Variants in ZSCAN18 observed in about 807,000 individuals in gnomAD.
ZSCAN18 encodes the protein zinc finger and SCAN domain-containing protein 18.
A neutral mutation model predicts 31.1 loss-of-function variants in ZSCAN18; 16 were observed. That is an observed-to-expected ratio of 0.51 (90% CI 0.35 to 0.78). The LOEUF (loss-of-function observed/expected upper bound fraction) is 0.78, where lower values mean the gene tolerates loss of function less well. Ranked by LOEUF, ZSCAN18 falls within the 30% of genes least tolerant of loss-of-function variation. The pLI is 0.01. For missense variants in ZSCAN18, 731 were observed against 697.4 expected (o/e 1.05, Z -0.54); for synonymous variants, 375 against 320.7 (o/e 1.17, Z -1.81).
intron 5 of ZSCAN18, 163 bp downstream of exon 5, chr19:58,086,743 T>G: frequency 1.7e-6 from 1 of 589,120 alleles, no homozygotes; most frequent in Admixed American, 3.1e-5. Context: ...TCAGAAAGGG[T>G]GGGGGCTTCA....
At chr19:58,111,489 G>T (rs2074682956) in intron 1 of ZSCAN18, among the ~76,000 whole-genome samples, 1 of 151,954 alleles carries the variant, frequency 6.6e-6, no homozygotes, top group African/African-American at 2.4e-5. Context: ...AGGACTACAG[G>T]TATGCACCAC....
Position 58,085,161 on chromosome 19 carries a change from A to G in ZSCAN18, c.1057T>C (p.Ser353Pro). Residue 353 changes from serine to proline, a missense_variant, in exon 7 of 7, where the codon TCC becomes CCC. Around this residue, in one of 4 missense-constraint regions of ZSCAN18, gnomAD observed 597 missense variants for 499.5 expected, o/e 1.20. Coordinates refer to ENST00000601144, the MANE Select transcript of ZSCAN18 (RefSeq NM_001145543.2). ...SDSATGSQRQ[S>P]VIQQPAPDRG... ...TCCGGGGCAGGCTGCTGGATGACGG[A>G]CTGCCTCTGCGATCCGGTGGCAGAG... The G allele has an allele frequency of 6.2e-7, 1 of 1,610,812 alleles. No individual in the cohort carries two copies. Among genetic ancestry groups the G allele is most frequent in the Non-Finnish European group, 8.5e-7 (1 of 1,179,302 alleles).
At chr19:58,091,708 A>C (rs991916728) in intron 1 of ZSCAN18, among the ~76,000 whole-genome samples, 3 of 152,176 alleles carry the variant, frequency 2.0e-5, no homozygotes, top group African/African-American at 7.2e-5. Context: ...TGAGCTCACT[A>C]AACAGAACCC....
chr19:58,103,181 T>C (rs1415099765), upstream of ZSCAN18, among the ~76,000 whole-genome samples: 1 of 112,578 alleles, frequency 8.9e-6, no homozygotes, highest in East Asian at 1.9e-4. Flanking sequence ...ATTAACCTGG[T>C]TTGTTTTCAG....
rs769127626 is a variant in ZSCAN18 at position 58,088,698 on chromosome 19, A to G, written c.543T>C (p.Pro181=). The change falls in exon 3 of 7, where the codon CCT becomes CCC. Residue 181 remains proline (P), a synonymous_variant. Transcript: ENST00000601144. The stretch of plus-strand genomic sequence containing the variant: ...TAGCTGGGCACTCACGTGTCTCAGA[A>G]GGTGCCGGGATCTCCCCAGCTCCAA... The part of the protein sequence containing the change: ...QALGAGEIPA[P]SETPWLSPDP... 1.9e-6 allele frequency: 3 copies of G among 1,609,658 alleles called. No individual in the cohort carries two copies. Among genetic ancestry groups the G allele is most frequent in the Non-Finnish European group, 2.5e-6 (3 of 1,179,928 alleles).
Position 58,090,982 on chromosome 19 carries a change from G to C in ZSCAN18, c.-119-596C>G, listed in dbSNP as rs2074399074. Among the ~76,000 whole-genome samples, 1 of 151,774 alleles carries C rather than the reference G, an allele frequency of 6.6e-6. No homozygotes were observed. Among genetic ancestry groups the C allele is most frequent in the Admixed American group, 6.6e-5 (1 of 15,232 alleles). ...ATGTAAACCTGGATGTAAAAACCTT[G>C]AAATAGGCCAGGCGCGGTGGCTCAC... On this transcript the variant is annotated intron_variant, in intron 1 of 6. Transcript: ENST00000601144. This position sits in a 1 kb window ranked among gnomAD's most constrained non-coding sequence, Gnocchi z 4.7.
intron 6 of ZSCAN18, 103 bp from the exon 7 acceptor site, chr19:58,085,482 C>T (rs1042384380): frequency 9.5e-7 from 1 of 1,052,704 alleles, no homozygotes; most frequent in Non-Finnish European, 1.3e-6. Flanking sequence ...GGGCTCCGGG[C>T]TCTGGATCCC....
chr19:58,100,543 A>C (rs1281090676), upstream of ZSCAN18, among the ~76,000 whole-genome samples: 1 of 152,172 alleles, frequency 6.6e-6, no homozygotes, highest in Non-Finnish European at 1.5e-5. Context: ...GCTCCTTATG[A>C]ATTGCAAACC....
At chr19:58,098,305 C>T (rs1041931360), upstream of ZSCAN18, 29 of 985,352 alleles carry the variant, frequency 2.9e-5, no homozygotes, top group African/African-American at 3.5e-5. Flanking sequence ...GGCTGTGCCG[C>T]GCACCGGGGC....
chr19:58,102,885 A>C (rs12975900), upstream of ZSCAN18, among the ~76,000 whole-genome samples: 769 of 152,044 alleles, frequency 5.1e-3, 7 homozygotes, highest in African/African-American at 0.016. Context: ...TAATCTCAGC[A>C]CTTTGGGAGG....
chr19:58,112,914 G>T (rs1167005933), intron 1 of ZSCAN18, among the ~76,000 whole-genome samples: 3 of 118,970 alleles, frequency 2.5e-5, no homozygotes, highest in Non-Finnish European at 4.8e-5. Context: ...TCACACCACT[G>T]CACTCTAGCC....
In ZSCAN18 at chr19:58,085,398, C is replaced by G; in HGVS notation, c.839-19G>C. The G allele has an allele frequency of 2.6e-6, 4 of 1,565,436 alleles. No homozygotes were observed. The highest frequency in any genetic ancestry group is 2.6e-6 in the Non-Finnish European group (3 of 1,164,544). ...CCGCCTTCTGGAACAAGGTCAGAGCCCTAGCGTGAGCGCCCCGCCCAGGGC... is the reference window on the plus strand; with the variant it reads ...CCGCCTTCTGGAACAAGGTCAGAGCGCTAGCGTGAGCGCCCCGCCCAGGGC... On this transcript the variant is annotated intron_variant, in intron 6 of 6. Transcript: ENST00000601144.
rs532632035 is a variant in ZSCAN18 at position 58,104,894 on chromosome 19, T to C, written c.130+13373A>G. 3.2e-4 allele frequency among the ~76,000 whole-genome samples: 48 copies of C among 152,268 alleles called. No homozygotes were observed. The South Asian group carries it at 9.7e-3, about 31-fold the overall frequency. On this transcript the variant is annotated intron_variant, in intron 1 of 1. Coordinates refer to the ZSCAN18 transcript ENST00000595721. ...AGATCACTGAGGAAGGTCGCTACAG[T>C]AGACAACAGTTTAAATGTAAAGAAA... is the stretch of plus-strand genomic sequence containing the variant.
upstream of ZSCAN18, among the ~76,000 whole-genome samples, chr19:58,099,395 T>C (rs2074573329): frequency 6.6e-6 from 1 of 152,096 alleles, no homozygotes; most frequent in South Asian, 2.1e-4. Flanking sequence ...TGAACATAAT[T>C]CCTTTGAGAG....
intron 1 of ZSCAN18, among the ~76,000 whole-genome samples, chr19:58,111,543 T>C (rs532490986): frequency 6.6e-6 from 1 of 151,846 alleles, no homozygotes; most frequent in Non-Finnish European, 1.5e-5. Context: ...TTTTTTTTTT[T>C]AAATAGAGAC....
upstream of ZSCAN18, among the ~76,000 whole-genome samples, chr19:58,102,140 C>T (rs2074599218): frequency 6.6e-6 from 1 of 151,940 alleles, no homozygotes; most frequent in African/African-American, 2.4e-5. Flanking sequence ...GTGACTTTTC[C>T]CTGTTTAGGC....
chr19:58,090,413 G>C lies in ZSCAN18; in HGVS notation c.-119-27C>G. On this transcript the variant is annotated intron_variant, in intron 1 of 6. Transcript: ENST00000601144. The surrounding 1 kb of genome is among the most constrained non-coding windows in gnomAD (Gnocchi z 4.7). Reference sequence around the variant, plus strand: ...TGCAGAGGACACGGACAAGGCAATGGCCTTGCATAAGGCCAGGGCGCAGCC... The same window carrying C: ...TGCAGAGGACACGGACAAGGCAATGCCCTTGCATAAGGCCAGGGCGCAGCC... 6.7e-7 allele frequency: 1 copy of C among 1,488,146 alleles called. No homozygotes were observed. Among genetic ancestry groups the C allele is most frequent in the Non-Finnish European group, 9.0e-7 (1 of 1,115,152 alleles). 92.2% of individuals were successfully genotyped at this position (1,488,146 alleles called of 1,614,324 possible). A position where few individuals can be genotyped will look rare whatever the true frequency, so the allele number is the denominator to read the frequency against.
chr19:58,088,767 G>A lies in ZSCAN18; in HGVS notation c.474C>T (p.Asp158=). 6.2e-7 allele frequency: 1 copy of A among 1,611,384 alleles called. No homozygotes were observed. Among genetic ancestry groups the A allele is most frequent in the African/African-American group, 1.3e-5 (1 of 75,062 alleles). The part of the protein sequence containing the change: ...LSDGVYERHM[D]PLLLPGELAS... Reference sequence around the variant, plus strand: ...CGAGCTCGCCTGGTAGCAGCAGAGGGTCCATGTGCCTCTCGTACACTCCAT... The same window carrying A: ...CGAGCTCGCCTGGTAGCAGCAGAGGATCCATGTGCCTCTCGTACACTCCAT... The change falls in exon 3 of 7, where the codon GAC becomes GAT. Residue 158 remains aspartate, a synonymous_variant. Coordinates refer to ENST00000601144, the MANE Select transcript of ZSCAN18 (RefSeq NM_001145543.2).
At chr19:58,093,925 T>G (rs567105014) in intron 1 of ZSCAN18, among the ~76,000 whole-genome samples, 4 of 151,808 alleles carry the variant, frequency 2.6e-5, no homozygotes, top group Admixed American at 2.0e-4. Flanking sequence ...GCCCCATGCC[T>G]AGCTAATTTT....
Sources: gnomAD v4.1 joint callset for allele counts (sites outside exome capture counted in the v4.1 genomes callset) on GRCh38, gnomAD v4.1.1 for gene constraint, gnomAD v4.1.1 regional missense constraint, Gnocchi (gnomAD v3.1) non-coding constraint, MANE v1.5 for transcripts, NCBI Gene and HGNC (gene_info 2026-07-23, HGNC 2026-07-21) for gene names.